The following PPFIA2 variants were observed in gnomAD, a reference collection of about 807,000 sequenced individuals.
PPFIA2 encodes the protein PPFI scaffold protein A2, also known as liprin-alpha-2.
A neutral mutation model predicts 175.5 loss-of-function variants in PPFIA2; 46 were observed. The ratio of observed to expected loss-of-function variants is 0.26; its 90% CI spans 0.21 to 0.34. The LOEUF (loss-of-function observed/expected upper bound fraction) is 0.34, where lower values mean the gene tolerates loss of function less well. Among genes scored for constraint, PPFIA2 ranks in the 10% least tolerant of loss-of-function variants. PPFIA2 has a pLI of 1.00. For synonymous variants in PPFIA2, 568 were observed against 511.4 expected (o/e 1.11, Z -1.49); for missense variants, 1,179 against 1,506.1 (o/e 0.78, Z 3.60).
intron 22 of PPFIA2, chr12:81,312,491 A>G (rs1282475382): frequency 1.5e-5 from 5 of 338,006 alleles, no homozygotes; most frequent in Non-Finnish European, 2.7e-5. Context: ...AAATCTTGGT[A>G]AAGGACATTC....
chr12:81,505,214 T>C (rs1567107338), intron 4 of PPFIA2, among the ~76,000 whole-genome samples: 1 of 150,948 alleles, frequency 6.6e-6, no homozygotes, highest in Non-Finnish European at 1.5e-5. Flanking sequence ...GGCACATGTA[T>C]ACCTATGTAA....
At chr12:81,335,009 T>G (rs976388276) in intron 21 of PPFIA2, among the ~76,000 whole-genome samples, 1 of 152,202 alleles carries the variant, frequency 6.6e-6, no homozygotes, top group Non-Finnish European at 1.5e-5. Flanking sequence ...TACCTTTCCA[T>G]GTTAGTTAAG....
At chr12:81,754,798 G>C (rs977778980) in intron 2 of PPFIA2, among the ~76,000 whole-genome samples, 1 of 151,914 alleles carries the variant, frequency 6.6e-6, no homozygotes, top group Non-Finnish European at 1.5e-5. Context: ...TTGTTTTTTA[G>C]TCAACCGATT....
chr12:81,639,994 T>C (rs2064739561), intron 4 of PPFIA2, among the ~76,000 whole-genome samples: 1 of 152,178 alleles, frequency 6.6e-6, no homozygotes, highest in South Asian at 2.1e-4. Flanking sequence ...TTATACCTGC[T>C]AGTGCTACGT....
intron 7 of PPFIA2, among the ~76,000 whole-genome samples, chr12:81,418,531 T>A (rs1455890370): frequency 6.6e-6 from 1 of 151,992 alleles, no homozygotes; most frequent in Non-Finnish European, 1.5e-5. Context: ...AAATTTTAAT[T>A]GGAAAATGGC....
intron 22 of PPFIA2, among the ~76,000 whole-genome samples, chr12:81,311,694 C>T (rs1490096401): frequency 2.1e-5 from 3 of 145,678 alleles, no homozygotes; most frequent in African/African-American, 5.1e-5. Context: ...GATCGCGCCA[C>T]TGCACTCCAG....
chr12:81,431,267 A>G (rs1017552086), intron 7 of PPFIA2: 1 of 152,216 alleles, frequency 6.6e-6, no homozygotes, highest in African/African-American at 2.4e-5. Flanking sequence ...GTTTCTGATA[A>G]AAGAGAACAC....
chr12:81,340,522 T>C (rs1566263975), intron 20 of PPFIA2, among the ~76,000 whole-genome samples: 1 of 152,110 alleles, frequency 6.6e-6, no homozygotes, highest in African/African-American at 2.4e-5. Flanking sequence ...GTATAAAGAA[T>C]TGTGATGACA....
intron 15 of PPFIA2, 76 bp downstream of exon 15, chr12:81,362,617 T>A (rs2141237374): frequency 1.1e-6 from 1 of 949,794 alleles, no homozygotes; most frequent in East Asian, 2.7e-5. Flanking sequence ...TTATTTTAGT[T>A]GAGGACATAT....
At chr12:81,606,555 A>G (rs1219416522) in intron 4 of PPFIA2, among the ~76,000 whole-genome samples, 1 of 151,846 alleles carries the variant, frequency 6.6e-6, no homozygotes, top group African/African-American at 2.4e-5. Context: ...TTCATTTGCA[A>G]TTCTCTGATG....
At chr12:81,427,596 G>T (rs2047368737) in intron 7 of PPFIA2, among the ~76,000 whole-genome samples, 1 of 151,864 alleles carries the variant, frequency 6.6e-6, no homozygotes, top group African/African-American at 2.4e-5. Context: ...ACAAGAAGAA[G>T]ATTTCAAAAT....
intron 4 of PPFIA2, chr12:81,675,534 T>A (rs2072341358): frequency 6.6e-6 from 1 of 152,042 alleles, no homozygotes; most frequent in Non-Finnish European, 1.5e-5. Context: ...GACAAATCCT[T>A]TGAAACCAAC....
chr12:81,754,072 C>G lies in PPFIA2; in HGVS notation c.150G>C (p.Arg50=), dbSNP rs1417917357. 4 of 1,613,632 alleles carry G rather than the reference C, an allele frequency of 2.5e-6. No homozygotes were observed. The African/African-American group carries it at 5.3e-5, about 22-fold the overall frequency. The stretch of plus-strand genomic sequence containing the variant: ...CAAGTGAGAGGCTTTCCTGGGTCTC[C>G]CGAAGGGTGTCTAGAAGACGATCCC... The part of the protein sequence containing the change: ...DERDRLLDTL[R]ETQESLSLAQ... Residue 50 remains arginine (R), a synonymous_variant, in exon 3 of 33, where the codon CGG becomes CGC. Transcript: ENST00000549396.
At chr12:81,474,192 C>T (rs1365838636) in intron 4 of PPFIA2, among the ~76,000 whole-genome samples, 1 of 152,058 alleles carries the variant, frequency 6.6e-6, no homozygotes, top group Admixed American at 6.6e-5. Context: ...CTCACCACTT[C>T]GTCAAGCAGG....
intron 4 of PPFIA2, among the ~76,000 whole-genome samples, chr12:81,665,291 A>G (rs942254605): frequency 6.6e-6 from 1 of 152,106 alleles, no homozygotes; most frequent in Non-Finnish European, 1.5e-5. Context: ...TGACAGATAC[A>G]GCAAAAAATT....
At chr12:81,430,095 C>T (rs968146693) in intron 7 of PPFIA2, 5 of 152,096 alleles carry the variant, frequency 3.3e-5, no homozygotes, top group Non-Finnish European at 7.4e-5. Flanking sequence ...GTTCTATTTT[C>T]CTTCCTCCAT....
chr12:81,444,177 C>T (rs2050799796), intron 6 of PPFIA2, among the ~76,000 whole-genome samples: 1 of 152,114 alleles, frequency 6.6e-6, no homozygotes, highest in Non-Finnish European at 1.5e-5. Context: ...TTGAAGACAT[C>T]CTTGTCTTTG....
intron 9 of PPFIA2, among the ~76,000 whole-genome samples, chr12:81,377,523 A>T (rs533420451): frequency 1.8e-4 from 28 of 151,992 alleles, no homozygotes; most frequent in African/African-American, 6.5e-4. Context: ...ACTGCACTCC[A>T]GCCTGGGCCA....
chr12:81,670,560 A>G (rs934233598), intron 4 of PPFIA2, among the ~76,000 whole-genome samples: 3 of 151,900 alleles, frequency 2.0e-5, no homozygotes, highest in Non-Finnish European at 4.4e-5. Context: ...TTGTGCCTCA[A>G]TCCCATCTCC....
Sources: gnomAD v4.1 joint callset for allele counts (sites outside exome capture counted in the v4.1 genomes callset) on GRCh38, gnomAD v4.1.1 for gene constraint, MANE v1.5 for transcripts, NCBI Gene and HGNC (gene_info 2026-07-23, HGNC 2026-07-21) for gene names.